Variants in VPS8 observed in about 807,000 individuals in gnomAD.
The protein encoded by VPS8 is VPS8 subunit of CORVET complex.
In VPS8, 129 loss-of-function variants were observed where a neutral mutation model predicts 216.4. The observed-to-expected ratio is 0.60, with a 90% CI of 0.52 to 0.69. VPS8 has a LOEUF of 0.69. Among genes scored for constraint, VPS8 ranks in the 30% least tolerant of loss-of-function variants. The pLI, the probability that VPS8 is intolerant of heterozygous loss-of-function variation, is 0.00. For missense variants in VPS8, 1,531 were observed against 1,683.5 expected (o/e 0.91, Z 1.59); for synonymous variants, 571 against 565.4 (o/e 1.01, Z -0.14).
chr3:184,930,541 A>G lies in VPS8; in HGVS notation c.2871A>G (p.Val957=), dbSNP rs1406106567. 2 of 1,613,396 alleles carry G rather than the reference A, an allele frequency of 1.2e-6. No individual in the cohort carries two copies. The highest frequency in any genetic ancestry group is 3.3e-5 in the Admixed American group (2 of 60,020). The change falls in exon 34 of 48, where the codon GTA becomes GTG. Residue 957 remains valine, a synonymous_variant. Transcript: ENST00000625842. The part of the protein sequence containing the change: ...PGHSAEEKQS[V]WQKAMDHIEE... ...ACAGTGCAGAGGAGAAGCAGTCTGTATGGCAGAAAGCAATGGATCATATTG... is the reference window on the plus strand; with the variant it reads ...ACAGTGCAGAGGAGAAGCAGTCTGTGTGGCAGAAAGCAATGGATCATATTG...
intron 16 of VPS8, among the ~76,000 whole-genome samples, chr3:184,865,894 A>C (rs1446774317): frequency 6.6e-6 from 1 of 152,072 alleles, no homozygotes; most frequent in Non-Finnish European, 1.5e-5. Flanking sequence ...AGGTGGAGGC[A>C]GGAGAATCGC....
chr3:184,843,777 A>G (rs867988196), intron 8 of VPS8, among the ~76,000 whole-genome samples: 2 of 152,214 alleles, frequency 1.3e-5, no homozygotes, highest in Non-Finnish European at 2.9e-5. Context: ...ATCCCATTTA[A>G]TGTTCATGGA....
chr3:185,003,779 G>A (rs1489669370), intron 45 of VPS8, among the ~76,000 whole-genome samples: 4 of 150,276 alleles, frequency 2.7e-5, no homozygotes, highest in African/African-American at 4.9e-5. Flanking sequence ...GCTGCCAGGC[G>A]GAGGGGCTCC....
intron 29 of VPS8, among the ~76,000 whole-genome samples, chr3:184,922,895 C>A (rs541949527): frequency 2.6e-5 from 4 of 152,012 alleles, no homozygotes; most frequent in Admixed American, 1.3e-4. Flanking sequence ...AGGAAATGGC[C>A]TTTTGTAGGA....
chr3:184,858,259 A>G (rs1349810804), intron 14 of VPS8, among the ~76,000 whole-genome samples: 4 of 152,194 alleles, frequency 2.6e-5, no homozygotes, highest in Non-Finnish European at 5.9e-5. Context: ...AAAGATTGAC[A>G]CTCAAGGTCC....
intron 8 of VPS8, among the ~76,000 whole-genome samples, chr3:184,847,016 TA>T (rs1220663660): frequency 6.6e-6 from 1 of 152,192 alleles, no homozygotes; most frequent in African/African-American, 2.4e-5. Context: ...GAAAAAATTG[TA>T]AGGAGGAGAA....
intron 1 of VPS8, among the ~76,000 whole-genome samples, chr3:184,815,026 A>G (rs190325056): frequency 1.3e-5 from 2 of 152,258 alleles, no homozygotes; most frequent in East Asian, 3.9e-4. Flanking sequence ...GAAGACGCAA[A>G]CACACACATT....
intron 25 of VPS8, among the ~76,000 whole-genome samples, chr3:184,902,005 T>A (rs558282025): frequency 2.0e-5 from 3 of 152,292 alleles, no homozygotes; most frequent in Admixed American, 1.3e-4. Flanking sequence ...TGGTATTTCA[T>A]TGTGATTTTA....
At chr3:184,868,511 C>T (rs987232676) in intron 18 of VPS8, among the ~76,000 whole-genome samples, 1 of 152,166 alleles carries the variant, frequency 6.6e-6, no homozygotes, top group African/African-American at 2.4e-5. Context: ...AGATGACATC[C>T]CAGAAATACC....
intron 39 of VPS8, 95 bp downstream of exon 39, chr3:184,966,808 C>G (rs1747485530): frequency 2.3e-6 from 2 of 872,826 alleles, no homozygotes; most frequent in Non-Finnish European, 3.4e-6. Context: ...AATAATTACA[C>G]TTGCATATAT....
intron 47 of VPS8, among the ~76,000 whole-genome samples, chr3:185,051,532 G>A (rs998732396): frequency 1.3e-5 from 2 of 152,102 alleles, no homozygotes; most frequent in South Asian, 2.1e-4. Flanking sequence ...GGGAGAGAAG[G>A]GTGGCAGCAG....
rs747382719 is a variant in VPS8 at position 184,957,438 on chromosome 3, G to A, written c.3100G>A (p.Glu1034Lys). Residue 1034 changes from glutamate (E) to lysine (K), a missense_variant, in exon 37 of 48, where the codon GAG becomes AAG. By Grantham distance (56) the Glu-to-Lys change is moderately conservative (BLOSUM62 1). This residue lies in a region of VPS8 where 1,318 missense variants were observed against 1,468.4 expected (regional missense o/e 0.90). Coordinates refer to ENST00000625842, the MANE Select transcript of VPS8 (RefSeq NM_001009921.3). The stretch of plus-strand genomic sequence containing the variant: ...TCCTTGTATCACAGAGCAGTTCATT[G>A]AGCTGTTGTGTCAGTTCAACCCAAC... The part of the protein sequence containing the change: ...ISPCITEQFI[E>K]LLCQFNPTQV... 2 of 1,612,536 alleles carry A rather than the reference G, an allele frequency of 1.2e-6. No individual in the cohort carries two copies. The highest frequency in any genetic ancestry group is 1.7e-4 in the Middle Eastern group (1 of 6,058).
intron 21 of VPS8, among the ~76,000 whole-genome samples, chr3:184,879,071 G>A (rs1231737950): frequency 6.6e-6 from 1 of 152,142 alleles, no homozygotes; most frequent in African/African-American, 2.4e-5. Context: ...ATCTGCATCT[G>A]TTATTTCTTT....
At chr3:184,992,692 A>G (rs149734672) in intron 42 of VPS8, among the ~76,000 whole-genome samples, 1 of 152,272 alleles carries the variant, frequency 6.6e-6, no homozygotes, top group Non-Finnish European at 1.5e-5. Context: ...TTGGCATGGA[A>G]AAGAGTCATT....
At chr3:185,050,480 T>G (rs550663731) in intron 47 of VPS8, among the ~76,000 whole-genome samples, 1 of 115,178 alleles carries the variant, frequency 8.7e-6, no homozygotes, top group Non-Finnish European at 1.8e-5. Flanking sequence ...TCCACAGAAG[T>G]GACACATGGA....
intron 21 of VPS8, among the ~76,000 whole-genome samples, chr3:184,878,859 G>T (rs779550323): frequency 7.9e-5 from 12 of 152,176 alleles, no homozygotes; most frequent in Admixed American, 3.3e-4. Flanking sequence ...CAGCTGCCTA[G>T]CTCTGGTAGC....
intron 45 of VPS8, among the ~76,000 whole-genome samples, chr3:185,005,895 C>G (rs1296548207): frequency 1.3e-5 from 2 of 152,014 alleles, no homozygotes; most frequent in African/African-American, 4.8e-5. Flanking sequence ...TTATTTCTTT[C>G]TCTTGTCTGA....
chr3:184,834,626 A>T (rs1401377535), intron 4 of VPS8, 23 bp from the exon 5 acceptor site: 7 of 1,503,614 alleles, frequency 4.7e-6, no homozygotes, highest in Admixed American at 2.2e-5. Flanking sequence ...CTGTTTTTAA[A>T]TGTTTTTCTT....
intron 3 of VPS8, among the ~76,000 whole-genome samples, chr3:184,831,422 G>A (rs953573563): frequency 2.0e-5 from 3 of 152,250 alleles, no homozygotes; most frequent in Non-Finnish European, 4.4e-5. Flanking sequence ...CTTGTAATGA[G>A]TGGATCGAGG....
Sources: allele counts gnomAD v4.1 joint callset (sites outside exome capture counted in the v4.1 genomes callset), GRCh38; gene constraint gnomAD v4.1.1; regional missense constraint gnomAD v4.1.1; transcripts MANE v1.5; gene names NCBI Gene and HGNC (gene_info 2026-07-23, HGNC 2026-07-21).